RTKN: variants seen among roughly 807,000 people sequenced by gnomAD.
The protein encoded by RTKN is rhotekin.
Under a neutral mutation model 63.5 loss-of-function variants are expected in RTKN, and 49 were observed. The observed-to-expected ratio is 0.77, with a 90% CI of 0.61 to 0.98. The LOEUF is 0.98. Ranked by LOEUF, RTKN falls within the 50% of genes least tolerant of loss-of-function variation. The pLI is 0.00. For missense variants in RTKN, 685 were observed against 740.8 expected, an observed-to-expected ratio of 0.92 and a Z score of 0.87; for synonymous variants, 295 against 290.4, an observed-to-expected ratio of 1.02 and a Z score of -0.16.
intron 2 of RTKN, among the ~76,000 whole-genome samples, chr2:74,431,399 G>A (rs933653950): frequency 6.6e-6 from 1 of 152,124 alleles, no homozygotes; most frequent in Non-Finnish European, 1.5e-5. Flanking sequence ...TCCCTTTCCT[G>A]AAGCGACTGC....
At chr2:74,435,620 G>A (rs1007659479) in intron 1 of RTKN, among the ~76,000 whole-genome samples, 3 of 152,190 alleles carry the variant, frequency 2.0e-5, no homozygotes, top group Admixed American at 2.0e-4. Flanking sequence ...GGTGATCAAG[G>A]AAAGCTTCAG....
chr2:74,433,257 C>CATATATATAT (rs1262494465), intron 1 of RTKN, among the ~76,000 whole-genome samples: 73 of 144,384 alleles, frequency 5.1e-4, no homozygotes, highest in African/African-American at 1.5e-3. Context: ...AAAAAAAAAA[C>CATATATATAT]ATATATATAT....
At chr2:74,430,904 A>C in intron 2 of RTKN, 1 of 566,880 alleles carries the variant, frequency 1.8e-6, no homozygotes, top group Non-Finnish European at 3.2e-6. Context: ...CTCACACATA[A>C]GGCACAAGCT....
rs1365347906 is a variant in RTKN, at chr2:74,428,365, A to G, written c.989T>C (p.Val330Ala). 1 of 1,614,070 alleles carries G rather than the reference A, an allele frequency of 6.2e-7. No individual in the cohort carries two copies. Among genetic ancestry groups the G allele is most frequent in the Admixed American group, 1.7e-5 (1 of 60,008 alleles). Reference sequence around the variant, plus strand: ...GTTTGTGCCTTTCAGAACTCCATGCACTTGTGCCCAGTTCTGCATCTCCCC... The same window carrying G: ...GTTTGTGCCTTTCAGAACTCCATGCGCTTGTGCCCAGTTCTGCATCTCCCC... Reference protein sequence around the residue: ...QAGEMQNWAQVHGVLKGTNLF... With the variant: ...QAGEMQNWAQAHGVLKGTNLF... The change falls in exon 9 of 12, where the codon GTG becomes GCG. Residue 330 changes from valine to alanine, a missense_variant. Physicochemically the swap from Val to Ala is moderately conservative, Grantham distance 64. Coordinates refer to ENST00000272430, the MANE Select transcript of RTKN (RefSeq NM_001015055.2).
chr2:74,429,903 C>T lies in RTKN; in HGVS notation c.680G>A (p.Arg227Lys). The change falls in exon 6 of 12, where the codon AGG becomes AAG. Residue 227 changes from arginine (R) to lysine (K), a missense_variant. Coordinates refer to ENST00000272430, the MANE Select transcript of RTKN (RefSeq NM_001015055.2). Reference protein sequence around the residue: ...LSSSLGRSSGRRVRASLDSAG... With the variant: ...LSSSLGRSSGKRVRASLDSAG... Reference sequence around the variant, plus strand: ...ACTGTCCAGCGATGCCCGGACACGCCTCCCTGAGGAGCGGCCCAGGGAGCT... The same window carrying T: ...ACTGTCCAGCGATGCCCGGACACGCTTCCCTGAGGAGCGGCCCAGGGAGCT... 6.2e-7 allele frequency: 1 copy of T among 1,614,236 alleles called. No individual in the cohort carries two copies. Among genetic ancestry groups the T allele is most frequent in the Non-Finnish European group, 8.5e-7 (1 of 1,180,038 alleles).
In RTKN at chr2:74,439,483, G is replaced by A. The variant is rs1671230101; in HGVS notation, c.111+2223C>T. On this transcript the variant is annotated intron_variant, in intron 1 of 11. Transcript: ENST00000272430. ...CTCCCCACCATGCTGTAGCAGGAATGGGCAGGGCAGAGATTGGGGCTGGGA... is the reference window on the plus strand; with the variant it reads ...CTCCCCACCATGCTGTAGCAGGAATAGGCAGGGCAGAGATTGGGGCTGGGA... 7 of 1,549,714 alleles carry A rather than the reference G, an allele frequency of 4.5e-6. No individual in the cohort carries two copies. In the Admixed American group the frequency reaches 6.8e-5, roughly 15 times the overall value.
At chr2:74,434,729 A>G (rs1201626026) in intron 1 of RTKN, among the ~76,000 whole-genome samples, 1 of 152,232 alleles carries the variant, frequency 6.6e-6, no homozygotes, top group African/African-American at 2.4e-5. Flanking sequence ...GATACTTTAT[A>G]TATACCCTTT....
Position 74,429,957 on chromosome 2 carries a change from C to T in RTKN, c.626G>A (p.Gly209Asp). 1 of 1,614,234 alleles carries T rather than the reference C, an allele frequency of 6.2e-7. No homozygotes were observed. Among genetic ancestry groups the T allele is most frequent in the South Asian group, 1.1e-5 (1 of 91,086 alleles). The change falls in exon 6 of 12, where the codon GGC (glycine) becomes GAC (aspartate). Residue 209 changes from glycine (G) to aspartate (D), a missense_variant. Coordinates refer to ENST00000272430, the MANE Select transcript of RTKN (RefSeq NM_001015055.2). ...CVEEEGALTG[G>D]PKRLATKLSS... ...GAGTTTGGTGGCAAGCCTCTTGGGG[C>T]CGCCAGTCAGGGCCCCCTCTTCTTC...
Position 74,427,279 on chromosome 2 carries a change from A to G in RTKN, c.1256-6T>C. The G allele has an allele frequency of 6.2e-7, 1 of 1,613,952 alleles. No homozygotes were observed. The highest frequency in any genetic ancestry group is 8.5e-7 in the Non-Finnish European group (1 of 1,179,806). On this transcript the variant is annotated splice_polypyrimidine_tract_variant and splice_region_variant and intron_variant, in intron 10 of 11. Transcript: ENST00000272430. ...ACAGCACTGCTTCCATTGGCCTGGAAGAAGAGCGCTGATTAAAAGAGAGAG... is the reference window on the plus strand; with the variant it reads ...ACAGCACTGCTTCCATTGGCCTGGAGGAAGAGCGCTGATTAAAAGAGAGAG...
Position 74,426,335 on chromosome 2 carries a change from A to G in RTKN, c.1600T>C (p.Ser534Pro), listed in dbSNP as rs767019647. 22 of 1,613,106 alleles carry G rather than the reference A, an allele frequency of 1.4e-5. No individual in the cohort carries two copies. Among genetic ancestry groups the G allele is most frequent in the Non-Finnish European group, 1.8e-5 (21 of 1,179,620 alleles). Residue 534 changes from serine (S) to proline (P), a missense_variant, in exon 12 of 12, where the codon TCG becomes CCG. Coordinates refer to ENST00000272430, the MANE Select transcript of RTKN (RefSeq NM_001015055.2). ...CGCTGAGGTGGGAGGGGGGCAACCG[A>G]GCGAGCCCTAGGGGAGTGGTCTGGG... ...VPPDHSPRARSVAPLPPQRSP... is the reference protein window; with the variant it reads ...VPPDHSPRARPVAPLPPQRSP...
chr2:74,432,568 C>T lies in RTKN; in HGVS notation c.210G>A (p.Glu70=). 6.2e-7 allele frequency: 1 copy of T among 1,614,040 alleles called. No homozygotes were observed. Among genetic ancestry groups the T allele is most frequent in the Non-Finnish European group, 8.5e-7 (1 of 1,179,974 alleles). ...AACSQREQAL[E]ATKSLLVCNS... ...TGCACACTAGCAGGCTCTTGGTGGC[C>T]TCCAGAGCCTGCTCTCGCTGGGAGC... is the stretch of plus-strand genomic sequence containing the variant. The change falls in exon 2 of 12, where the codon GAG becomes GAA. Residue 70 remains glutamate (E), a synonymous_variant. Transcript: ENST00000272430.
rs1671100579 is a variant in RTKN at position 74,436,958 on chromosome 2, C to A, written c.112-4292G>T. On this transcript the variant is annotated intron_variant, in intron 1 of 11. Transcript: ENST00000272430. This position sits in a 1 kb window ranked among gnomAD's most constrained non-coding sequence, Gnocchi z 4.3. ...AGCGCAGAGCTGGGTGTCAGCTGGA[C>A]CCGGGTCAGATCCCAAGGGGCTAGA... 6.6e-6 allele frequency among the ~76,000 whole-genome samples: 1 copy of A among 152,190 alleles called. No individual in the cohort carries two copies.
At chr2:74,433,942 T>C (rs1670909211) in intron 1 of RTKN, among the ~76,000 whole-genome samples, 1 of 152,022 alleles carries the variant, frequency 6.6e-6, no homozygotes, top group South Asian at 2.1e-4. Context: ...ATCTCCAAAA[T>C]AAATGATGTG....
chr2:74,428,524 C>G (rs1429237713), intron 8 of RTKN, 107 bp downstream of exon 8: 8 of 1,555,464 alleles, frequency 5.1e-6, no homozygotes, highest in Non-Finnish European at 7.1e-6. Flanking sequence ...GGCCATACCC[C>G]ATTTCTTCCA....
chr2:74,432,124 C>T (rs1670784143), intron 2 of RTKN: 1 of 413,980 alleles, frequency 2.4e-6, no homozygotes, highest in African/African-American at 2.0e-5. Flanking sequence ...ATTTTGTGAA[C>T]CAGCGTTGAG....
intron 6 of RTKN, 108 bp downstream of exon 6, chr2:74,429,720 C>A: frequency 9.4e-7 from 1 of 1,059,780 alleles, no homozygotes; most frequent in South Asian, 1.5e-5. Flanking sequence ...TCTGTCTGCA[C>A]ATCCTGGCAG....
In RTKN at chr2:74,430,676, GC is replaced by G; in HGVS notation, c.312del (p.Pro105LeufsTer60). On this transcript the variant is annotated frameshift_variant and splice_region_variant, in exon 3 of 12. Coordinates refer to ENST00000272430, the MANE Select transcript of RTKN (RefSeq NM_001015055.2). LOFTEE classifies it high-confidence loss of function. ...TCAGCGGGCGGGCCACTGTCAGAAGGCCTGTGGATAAATCACAATGTCCTGG... is the reference window on the plus strand; with the variant it reads ...TCAGCGGGCGGGCCACTGTCAGAAGGCTGTGGATAAATCACAATGTCCTGG... Reference protein sequence around the residue: ...EAQVLGKTSRRPSDSGPPAER... With the variant: ...EAQVLGKTSRXPSDSGPPAER... The G allele has an allele frequency of 1.2e-6, 2 of 1,611,850 alleles. No homozygotes were observed. Among genetic ancestry groups the G allele is most frequent in the Non-Finnish European group, 1.7e-6 (2 of 1,179,692 alleles).
chr2:74,432,981 CG>C (rs1003581599), intron 1 of RTKN, among the ~76,000 whole-genome samples: 40 of 152,254 alleles, frequency 2.6e-4, no homozygotes, highest in African/African-American at 9.4e-4. Context: ...CGGTGGCTCA[CG>C]CCTGTAATCC....
Position 74,427,954 on chromosome 2 carries a change from T to C in RTKN, c.1086+314A>G, listed in dbSNP as rs550712621. On this transcript the variant is annotated intron_variant, in intron 9 of 11. Transcript: ENST00000272430. ...AAGGGCAATTGGACCTGGAGAGAAATGGGAAGTGGTAAAGTAGATATAAAT... is the reference window on the plus strand; with the variant it reads ...AAGGGCAATTGGACCTGGAGAGAAACGGGAAGTGGTAAAGTAGATATAAAT... 310 of 485,608 alleles carry C rather than the reference T, an allele frequency of 6.4e-4. 3 individuals are homozygous for C. The Middle Eastern group carries it at 6.7e-3, about 11-fold the overall frequency. 30.1% of individuals were successfully genotyped at this position (485,608 alleles called of 1,614,324 possible). A position where few individuals can be genotyped will look rare whatever the true frequency, so the allele number is the denominator to read the frequency against.
Sources: allele counts gnomAD v4.1 joint callset (sites outside exome capture counted in the v4.1 genomes callset), GRCh38; gene constraint gnomAD v4.1.1; non-coding constraint Gnocchi (gnomAD v3.1); transcripts MANE v1.5; gene names NCBI Gene and HGNC (gene_info 2026-07-23, HGNC 2026-07-21).